Variants in ACSS1 observed in about 807,000 individuals in gnomAD.
ACSS1 encodes the protein acetyl-coenzyme A synthetase 2-like, mitochondrial.
Under a neutral mutation model 75.3 loss-of-function variants are expected in ACSS1, and 42 were observed. The observed-to-expected ratio is 0.56, with a 90% confidence interval of 0.44 to 0.72. The LOEUF is 0.72. Among genes scored for constraint, ACSS1 ranks in the 30% least tolerant of loss-of-function variants. The pLI is 0.00. For missense variants in ACSS1, 782 were observed against 935.7 expected, an observed-to-expected ratio of 0.84 and a Z score of 2.14; for synonymous variants, 380 against 376.8, an observed-to-expected ratio of 1.01 and a Z score of -0.10.
chr20:25,031,461 A>G (rs900937950), intron 2 of ACSS1, among the ~76,000 whole-genome samples: 8 of 152,226 alleles, frequency 5.3e-5, no homozygotes, highest in Non-Finnish European at 1.0e-4. Context: ...TGATGTACTT[A>G]TGCACTAAAA....
At chr20:25,030,724 C>A (rs1368219877) in intron 3 of ACSS1, 35 bp downstream of exon 3, 2 of 1,611,266 alleles carry the variant, frequency 1.2e-6, no homozygotes, top group Non-Finnish European at 1.7e-6. Flanking sequence ...TCAGGGAACT[C>A]CAGGGTTCCT....
At chr20:25,034,533 A>G (rs1440427495) in intron 2 of ACSS1, among the ~76,000 whole-genome samples, 1 of 151,840 alleles carries the variant, frequency 6.6e-6, no homozygotes, top group East Asian at 1.9e-4. Flanking sequence ...CCAGAGCTGA[A>G]TGTGGGTACC....
At chr20:25,037,685 G>C (rs2088935975) in intron 2 of ACSS1, among the ~76,000 whole-genome samples, 1 of 152,212 alleles carries the variant, frequency 6.6e-6, no homozygotes, top group African/African-American at 2.4e-5. Context: ...CATATTCGTA[G>C]TAAGAGAAGA....
rs1459938016 is a variant in ACSS1 at position 25,020,063 on chromosome 20, C to T, written c.1193G>A (p.Gly398Asp). 1.9e-6 allele frequency: 3 copies of T among 1,614,224 alleles called. No individual in the cohort carries two copies. The highest frequency in any genetic ancestry group is 3.3e-5 in the Admixed American group (2 of 60,034). Residue 398 changes from glycine (G) to aspartate (D), a missense_variant, in exon 7 of 14, where the codon GGT (glycine) becomes GAT (aspartate). Transcript: ENST00000323482. ...PTAVRLLLKY[G>D]DAWVKKYDRS... ...ATCATACTTCTTCACCCAGGCATCACCGTATTTCAGCAACAGCCGGACAGC... is the reference window on the plus strand; with the variant it reads ...ATCATACTTCTTCACCCAGGCATCATCGTATTTCAGCAACAGCCGGACAGC...
intron 3 of ACSS1, among the ~76,000 whole-genome samples, chr20:25,030,385 C>A (rs557849373): frequency 2.0e-4 from 31 of 152,332 alleles, no homozygotes; most frequent in African/African-American, 7.5e-4. Context: ...AGGATAGAAG[C>A]CTTCCAGTTG....
intron 3 of ACSS1, among the ~76,000 whole-genome samples, 162 bp from the exon 4 acceptor site, chr20:25,023,803 C>T (rs551974701): frequency 6.6e-6 from 1 of 152,288 alleles, no homozygotes; most frequent in East Asian, 1.9e-4. Flanking sequence ...GCTCTCCAGC[C>T]TTTGTGTGCC....
Position 25,009,360 on chromosome 20 carries a change from A to G in ACSS1, c.1800T>C (p.Asp600=), listed in dbSNP as rs2088367025. Residue 600 remains aspartate, a synonymous_variant, in exon 13 of 14, where the codon GAT becomes GAC. Transcript: ENST00000323482. ...EAAFAFIVVK[D]SAGDSDVVVQ... is the part of the protein sequence containing the mutation. ...CCACCACATCTGAGTCACCCGCACT[A>G]TCTTTCACCACAATGAAGGCAAAGG... 1 of 1,614,094 alleles carries G rather than the reference A, an allele frequency of 6.2e-7. No homozygotes were observed. Among genetic ancestry groups the G allele is most frequent in the Admixed American group, 1.7e-5 (1 of 60,008 alleles).
At chr20:25,009,182 G>GAGTA (rs1242955836) in intron 13 of ACSS1, 88 bp downstream of exon 13, 1 of 1,178,822 alleles carries the variant, frequency 8.5e-7, no homozygotes, top group African/African-American at 1.5e-5. Context: ...AATTGGAAAA[G>GAGTA]AGTAATATGC....
chr20:25,048,233 A>G, intron 1 of ACSS1, 52 bp from the exon 2 acceptor site: 2 of 1,557,916 alleles, frequency 1.3e-6, no homozygotes, highest in South Asian at 1.1e-5. Context: ...TTTGAGTGAG[A>G]ATTCGGCCAG....
In ACSS1 at chr20:25,006,788, T is replaced by G; in HGVS notation, c.*974A>C. 6.6e-7 allele frequency: 1 copy of G among 1,517,276 alleles called. No homozygotes were observed. Among genetic ancestry groups the G allele is most frequent in the Non-Finnish European group, 8.8e-7 (1 of 1,130,990 alleles). The allele number at this position is 1,517,276 out of a possible 1,614,324, so 94.0% of individuals were successfully genotyped here. A position where few individuals can be genotyped will look rare whatever the true frequency, so the allele number is the denominator to read the frequency against. Reference sequence around the variant, plus strand: ...GACCTCCAAGTCTCATCATTGGACCTCAGTGGTTCTCACCGCCCCAACCAC... The same window carrying G: ...GACCTCCAAGTCTCATCATTGGACCGCAGTGGTTCTCACCGCCCCAACCAC... On this transcript the variant is annotated 3_prime_UTR_variant, in exon 14 of 14. Transcript: ENST00000323482.
intron 2 of ACSS1, chr20:25,032,369 C>A: frequency 1.5e-6 from 2 of 1,354,522 alleles, no homozygotes; most frequent in Non-Finnish European, 1.9e-6. Context: ...GCCAACTTGC[C>A]GGCCATGCGG....
At chr20:25,012,446 C>T in intron 12 of ACSS1, 155 bp downstream of exon 12, 1 of 923,300 alleles carries the variant, frequency 1.1e-6, no homozygotes, top group South Asian at 1.6e-5. Flanking sequence ...TCAGCCTCCT[C>T]CCCTACAGTT....
chr20:25,038,093 G>A (rs1012429559), intron 2 of ACSS1, among the ~76,000 whole-genome samples: 5 of 152,208 alleles, frequency 3.3e-5, no homozygotes, highest in African/African-American at 7.2e-5. Flanking sequence ...CAGGCACAGC[G>A]AGGGCCCCCA....
Position 25,058,026 on chromosome 20 carries a change from C to T in ACSS1, c.77G>A (p.Arg26Gln), listed in dbSNP as rs1475014739. 7.9e-6 allele frequency: 11 copies of T among 1,384,668 alleles called. No homozygotes were observed. Among genetic ancestry groups the T allele is most frequent in the Non-Finnish European group, 1.0e-5 (11 of 1,076,636 alleles). The allele number at this position is 1,384,668 out of a possible 1,614,324, so 85.8% of individuals were successfully genotyped here. ...SLRGLSGQPARPPCGVSAPRR... is the reference protein window; with the variant it reads ...SLRGLSGQPAQPPCGVSAPRR... ...CGGCGCGCTCACCCCGCACGGCGGC[C>T]GCGCGGGCTGCCCCGAGAGCCCTCG... The change falls in exon 1 of 14, where the codon CGG becomes CAG. Residue 26 changes from arginine to glutamine, a missense_variant. This residue lies in a region of ACSS1 where 377 missense variants were observed against 383.1 expected (regional missense o/e 0.98). Coordinates refer to ENST00000323482, the MANE Select transcript of ACSS1 (RefSeq NM_032501.4).
At chr20:25,040,026 GC>G (rs2088975235) in intron 2 of ACSS1, among the ~76,000 whole-genome samples, 1 of 152,226 alleles carries the variant, frequency 6.6e-6, no homozygotes, top group Non-Finnish European at 1.5e-5. Flanking sequence ...CAGAACATTC[GC>G]CCCTGGCTGG....
At chr20:25,015,018 C>T (rs1600309722) in intron 8 of ACSS1, 120 bp downstream of exon 8, 10 of 800,674 alleles carry the variant, frequency 1.2e-5, no homozygotes, top group East Asian at 2.8e-5. Context: ...TCCGCAGTCT[C>T]GGGCGTTGAA....
intron 2 of ACSS1, among the ~76,000 whole-genome samples, chr20:25,045,335 T>A (rs77160533): frequency 8.4e-4 from 128 of 152,166 alleles, no homozygotes; most frequent in African/African-American, 2.7e-3. Context: ...AAGCAGGGAT[T>A]GCAAATCCTC....
chr20:25,029,722 G>A (rs563840517), intron 3 of ACSS1, among the ~76,000 whole-genome samples: 4 of 152,178 alleles, frequency 2.6e-5, no homozygotes, highest in Non-Finnish European at 5.9e-5. Context: ...TGTACATTTT[G>A]AGTGATGAAA....
At chr20:25,043,106 C>T (rs1231891570) in intron 2 of ACSS1, among the ~76,000 whole-genome samples, 5 of 152,178 alleles carry the variant, frequency 3.3e-5, no homozygotes, top group South Asian at 2.1e-4. Flanking sequence ...CACAGCCTCC[C>T]GCCTCCACCA....
Sources: gnomAD v4.1 joint callset for allele counts (sites outside exome capture counted in the v4.1 genomes callset) on GRCh38, gnomAD v4.1.1 for gene constraint, gnomAD v4.1.1 regional missense constraint, MANE v1.5 for transcripts, NCBI Gene and HGNC (gene_info 2026-07-23, HGNC 2026-07-21) for gene names.